MYH3: variants seen among roughly 807,000 people sequenced by gnomAD.
MYH3 encodes myosin-3.
Under a neutral mutation model 238.0 loss-of-function variants are expected in MYH3, and 130 were observed. That is an observed-to-expected ratio of 0.55 (90% CI 0.47 to 0.63). The LOEUF (loss-of-function observed/expected upper bound fraction) is 0.63. MYH3 is among the 30% of genes least tolerant of loss of function. The pLI is 0.00. For missense variants in MYH3, 1,853 were observed against 2,374.9 expected (o/e 0.78, Z 4.57); for synonymous variants, 880 against 924.1 (o/e 0.95, Z 0.86).
Position 10,632,529 on chromosome 17 carries a change from G to C in MYH3, c.4903C>G (p.Arg1635Gly), listed in dbSNP as rs759990440. The C allele has an allele frequency of 9.9e-6, 16 of 1,614,158 alleles. No homozygotes were observed. Among genetic ancestry groups the C allele is most frequent in the Non-Finnish European group, 1.2e-5 (14 of 1,180,046 alleles). Residue 1635 changes from arginine (R) to glycine (G), a missense_variant, in exon 34 of 41, where the codon CGC (arginine) becomes GGC (glycine). Physicochemically the swap from Arg to Gly is moderately radical, Grantham distance 125 (BLOSUM62 -2). Coordinates refer to ENST00000583535, the MANE Select transcript of MYH3 (RefSeq NM_002470.4). The stretch of plus-strand genomic sequence containing the variant: ...TGTTTGAGGGTCTCCGCCGCCTGGC[G>C]GTTGGCGTGGCTCAGCTGGATCTCG... ...EIEIQLSHAN[R>G]QAAETLKHLR...
chr17:10,642,548 G>A lies in MYH3; in HGVS notation c.1757C>T (p.Thr586Ile). The A allele has an allele frequency of 1.9e-6, 3 of 1,614,226 alleles. No homozygotes were observed. The highest frequency in any genetic ancestry group is 1.3e-5 in the African/African-American group (1 of 75,058). Residue 586 changes from threonine to isoleucine, a missense_variant, in exon 16 of 41, where the codon ACC (threonine) becomes ATC (isoleucine). By Grantham distance (89) the Thr-to-Ile change is moderately conservative. Around this residue, in one of 3 missense-constraint regions of MYH3, gnomAD observed 678 missense variants for 1,058.9 expected, o/e 0.64. Coordinates refer to ENST00000583535, the MANE Select transcript of MYH3 (RefSeq NM_002470.4). The surrounding 1 kb of genome is among the most constrained non-coding windows in gnomAD (Gnocchi z 5.4). ...CCAACCTGAGACACTGTAGTCCACG[G>A]TGCCCGCATAGTGGATCAGTGAGAA... Reference protein sequence around the residue: ...AHFSLIHYAGTVDYSVSGWLE... With the variant: ...AHFSLIHYAGIVDYSVSGWLE...
intron 6 of MYH3, 30 bp downstream of exon 6, chr17:10,650,344 A>G: frequency 3.8e-6 from 6 of 1,598,482 alleles, no homozygotes; most frequent in Non-Finnish European, 5.1e-6. Flanking sequence ...TGGCACAGCT[A>G]TGAAACCACT....
chr17:10,634,262 A>C, intron 31 of MYH3, 80 bp from the exon 32 acceptor site: 2 of 1,535,176 alleles, frequency 1.3e-6, no homozygotes, highest in Non-Finnish European at 1.8e-6. Context: ...ACTAAATTAA[A>C]TGCAGAGTTA....
rs746440299 is a variant in MYH3, at chr17:10,654,927, T to G, written c.138A>C (p.Glu46Asp). The G allele has an allele frequency of 2.5e-6, 4 of 1,614,246 alleles. No individual in the cohort carries two copies. The highest frequency in any genetic ancestry group is 3.4e-6 in the Non-Finnish European group (4 of 1,180,040). ...TYCFVVDSKE[E>D]YAKGKIKSSQ... Reference sequence around the variant, plus strand: ...AACTCTTGATTTTCCCCTTGGCATATTCTTCCTTTGAGTCCACCACGAAGC... The same window carrying G: ...AACTCTTGATTTTCCCCTTGGCATAGTCTTCCTTTGAGTCCACCACGAAGC... The change falls in exon 3 of 41, where the codon GAA becomes GAC. Residue 46 changes from glutamate (E) to aspartate (D), a missense_variant. Transcript: ENST00000583535. The surrounding 1 kb of genome is among the most constrained non-coding windows in gnomAD (Gnocchi z 4.5).
the MYH3 span, chr17:10,674,427 AAAAC>A: frequency 7.7e-4 from 222 of 287,892 alleles, no homozygotes; most frequent in Middle Eastern, 1.3e-3. Context: ...ACTCCATCTC[AAAAC>A]AAACAAACAA....
At chr17:10,662,953 G>C in the MYH3 span, among the ~76,000 whole-genome samples, 1 of 152,052 alleles carries the variant, frequency 6.6e-6, no homozygotes, top group African/African-American at 2.4e-5. Flanking sequence ...CGGGTGTGGT[G>C]GTGGGTTCCT....
chr17:10,634,963 T>C lies in MYH3; in HGVS notation c.4233A>G (p.Lys1411=). 6.2e-7 allele frequency: 1 copy of C among 1,614,134 alleles called. No individual in the cohort carries two copies. The highest frequency in any genetic ancestry group is 8.5e-7 in the Non-Finnish European group (1 of 1,180,020). The change falls in exon 31 of 41, where the codon AAA becomes AAG. Residue 1411 remains lysine (K), a synonymous_variant. Transcript: ENST00000583535. ...GCTTGGTCTTCTCCAGTGAAGCACA[T>C]TTAGCATTCACTGCCTCAACCTGTT... ...SEEQVEAVNA[K]CASLEKTKQR...
At chr17:10,667,681 A>C in the MYH3 span, among the ~76,000 whole-genome samples, 39 of 61,552 alleles carry the variant, frequency 6.3e-4, no homozygotes, top group Non-Finnish European at 5.7e-4. Flanking sequence ...GACTCTGTCT[A>C]AAAAAAAAAA....
chr17:10,655,818 A>G (rs1297971448), intron 2 of MYH3, among the ~76,000 whole-genome samples: 1 of 151,986 alleles, frequency 6.6e-6, no homozygotes, highest in Non-Finnish European at 1.5e-5. Flanking sequence ...CGTCCTGCTA[A>G]TTTTTCTATT....
Position 10,655,079 on chromosome 17 carries a change from G to A in MYH3, c.-8-7C>T. On this transcript the variant is annotated splice_region_variant and splice_polypyrimidine_tract_variant and intron_variant, in intron 2 of 40. Transcript: ENST00000583535. ...TCACTACTCATGGTGTCAGCTGGAA[G>A]GCAAACCCACCCGGTGAGCTCAGCA... 2 of 1,613,126 alleles carry A rather than the reference G, an allele frequency of 1.2e-6. No homozygotes were observed. The highest frequency in any genetic ancestry group is 2.2e-5 in the South Asian group (2 of 91,058).
At chr17:10,637,990 C>A in intron 27 of MYH3, 53 bp downstream of exon 27, 1 of 1,614,076 alleles carries the variant, frequency 6.2e-7, no homozygotes, top group Non-Finnish European at 8.5e-7. Flanking sequence ...GTTTCAATGA[C>A]CACGGAGTGT....
chr17:10,663,595 T>C, the MYH3 span, among the ~76,000 whole-genome samples: 29,424 of 151,700 alleles, frequency 0.19, 3,062 homozygotes, highest in Non-Finnish European at 0.23. Flanking sequence ...ACATCAGACA[T>C]TGATGGATTT....
In MYH3 at chr17:10,649,689, TACAG is replaced by T. The variant is rs779760468; in HGVS notation, c.534-8_534-5del. The T allele has an allele frequency of 2.5e-6, 4 of 1,613,092 alleles. No individual in the cohort carries two copies. The African/African-American group carries it at 5.3e-5, about 22-fold the overall frequency. On this transcript the variant is annotated splice_region_variant and splice_polypyrimidine_tract_variant and intron_variant, in intron 6 of 40. Transcript: ENST00000583535. ...CTTTCCTGCCCCGGATTCTCCGCTGTACAGAGTGATCAAAAGAGAGAGAAAGAAA... is the reference window on the plus strand; with the variant it reads ...CTTTCCTGCCCCGGATTCTCCGCTGTAGTGATCAAAAGAGAGAGAAAGAAA...
rs1412652406 is a variant in MYH3 at position 10,640,367 on chromosome 17, T to C, written c.2392A>G (p.Met798Val). 28 of 1,614,084 alleles carry C rather than the reference T, an allele frequency of 1.7e-5. No homozygotes were observed. Among genetic ancestry groups the C allele is most frequent in the Non-Finnish European group, 2.2e-5 (26 of 1,180,042 alleles). Residue 798 changes from methionine to valine, a missense_variant, in exon 21 of 41, where the codon ATG (methionine) becomes GTG (valine). Around this residue, in one of 3 missense-constraint regions of MYH3, gnomAD observed 678 missense variants for 1,058.9 expected, o/e 0.64. Coordinates refer to ENST00000583535, the MANE Select transcript of MYH3 (RefSeq NM_002470.4). ...RTQAVCRGFL[M>V]RVEFQKMVQR... ...ACCATCTTCTGGAATTCCACACGCA[T>C]GAGGAACCCTCTGCACACAGCTTGT...
chr17:10,643,926 G>A (rs897629310), intron 14 of MYH3, among the ~76,000 whole-genome samples: 60 of 152,122 alleles, frequency 3.9e-4, no homozygotes, highest in African/African-American at 1.4e-3. Context: ...TTCGGAGGCC[G>A]AGGCGGATGG....
intron 40 of MYH3, among the ~76,000 whole-genome samples, 185 bp from the exon 41 acceptor site, chr17:10,628,864 C>G (rs1350075623): frequency 6.6e-6 from 1 of 152,134 alleles, no homozygotes; most frequent in East Asian, 1.9e-4. Flanking sequence ...ACTGGCCCTC[C>G]GAAAGAGCAA....
chr17:10,633,780 A>G, intron 32 of MYH3, 65 bp from the exon 33 acceptor site: 2 of 1,598,886 alleles, frequency 1.3e-6, no homozygotes, highest in Non-Finnish European at 1.7e-6. Flanking sequence ...CATGCAAAGC[A>G]TTGACTCAAT....
chr17:10,674,720 G>A, the MYH3 span: 3 of 152,516 alleles, frequency 2.0e-5, no homozygotes, highest in African/African-American at 7.2e-5. Flanking sequence ...AAACCTTGGT[G>A]GCCAAGGCCC....
chr17:10,642,410 C>T lies in MYH3; in HGVS notation c.1888+7G>A. The T allele has an allele frequency of 6.2e-7, 1 of 1,614,194 alleles. No individual in the cohort carries two copies. Among genetic ancestry groups the T allele is most frequent in the Non-Finnish European group, 8.5e-7 (1 of 1,180,028 alleles). On this transcript the variant is annotated splice_region_variant and intron_variant, in intron 16 of 40. Transcript: ENST00000583535. This position sits in a 1 kb window ranked among gnomAD's most constrained non-coding sequence, Gnocchi z 5.4. ...GAAATCACATGGACACAAAGCACTC[C>T]TCTTACCATCCGCCGTGGCAAACGT...
Sources: allele counts gnomAD v4.1 joint callset (sites outside exome capture counted in the v4.1 genomes callset), GRCh38; gene constraint gnomAD v4.1.1; regional missense constraint gnomAD v4.1.1; non-coding constraint Gnocchi (gnomAD v3.1); transcripts MANE v1.5; gene names NCBI Gene and HGNC (gene_info 2026-07-23, HGNC 2026-07-21).